Variants in GP6 observed in about 807,000 individuals in gnomAD.
GP6 encodes the protein glycoprotein VI platelet.
A neutral mutation model predicts 37.3 loss-of-function variants in GP6; 45 were observed. That is an observed-to-expected ratio of 1.21 (90% confidence interval 0.95 to 1.55). The LOEUF (loss-of-function observed/expected upper bound fraction) is 1.55, where lower values mean the gene tolerates loss of function less well. Among genes scored for constraint, GP6 ranks in the 40% most tolerant of loss-of-function variants. The probability of loss-of-function intolerance (pLI) is 0.00; values close to 1 mark genes in which losing one functional copy is unlikely to be tolerated. For synonymous variants in GP6, 340 were observed against 316.4 expected (o/e 1.07, Z -0.79); for missense variants, 813 against 760.2 (o/e 1.07, Z -0.82).
rs1568586767 is a variant in GP6, at chr19:55,014,650, C to G, written c.1295G>C (p.Trp432Ser). The G allele has an allele frequency of 6.2e-7, 1 of 1,614,064 alleles. No homozygotes were observed. The highest frequency in any genetic ancestry group is 1.1e-5 in the South Asian group (1 of 91,078). ...CCAGTATGTGGTCCAGCCAGGGTACCATGTCATCCACAGTGTGCAGGGAGG... is the reference window on the plus strand; with the variant it reads ...CCAGTATGTGGTCCAGCCAGGGTACGATGTCATCCACAGTGTGCAGGGAGG... Residue 432 changes from tryptophan to serine, a missense_variant, in exon 8 of 8, where the codon TGG (tryptophan) becomes TCG (serine). Trp to Ser is a radical substitution (Grantham distance 177, BLOSUM62 -3). Coordinates refer to ENST00000310373, the MANE Select transcript of GP6 (RefSeq NM_001083899.2).
At chr19:55,029,239 GTTTCA>G (rs2074425989) in intron 3 of GP6, among the ~76,000 whole-genome samples, 2 of 128,398 alleles carry the variant, frequency 1.6e-5, no homozygotes, top group East Asian at 4.2e-4. Context: ...TTTTTTTGTT[GTTTCA>G]TTTGTTTTGT....
At position 55,014,825 on chromosome 19, in the gene GP6, G is replaced by A. The variant is rs767299494; in HGVS notation, c.1120C>T (p.Gln374Ter). 1.5e-5 allele frequency: 25 copies of A among 1,613,858 alleles called. No homozygotes were observed. Among genetic ancestry groups the A allele is most frequent in the Admixed American group, 8.3e-5 (5 of 59,986 alleles). Reference sequence around the variant, plus strand: ...CCTCGTTTCCACAGCTGTAGCCTCTGCCCTCCTGCTTCCACGCTCCACACA... The same window carrying A: ...CCTCGTTTCCACAGCTGTAGCCTCTACCCTCCTGCTTCCACGCTCCACACA... Residue 374 changes from glutamine (Q) to a stop codon, truncating the protein, a stop_gained, in exon 8 of 8, where the codon CAG becomes TAG. Coordinates refer to ENST00000310373, the MANE Select transcript of GP6 (RefSeq NM_001083899.2). LOFTEE classifies it low-confidence loss of function (END_TRUNC).
rs763747397 is a variant in GP6, at chr19:55,014,656, A to T, written c.1289T>A (p.Met430Lys). 9.4e-5 allele frequency: 151 copies of T among 1,613,990 alleles called. 1 individual carries two copies. The highest frequency in any genetic ancestry group is 1.2e-4 in the Non-Finnish European group (146 of 1,179,952). The stretch of plus-strand genomic sequence containing the variant: ...TGTGGTCCAGCCAGGGTACCATGTC[A>T]TCCACAGTGTGCAGGGAGGAGGATG... Residue 430 changes from methionine (M) to lysine (K), a missense_variant, in exon 8 of 8, where the codon ATG (methionine) becomes AAG (lysine). Met to Lys is a moderately conservative substitution (Grantham distance 95, BLOSUM62 -1). Transcript: ENST00000310373.
chr19:55,024,363 T>TGCAC (rs1568613756), intron 5 of GP6, among the ~76,000 whole-genome samples: 2 of 143,602 alleles, frequency 1.4e-5, no homozygotes, highest in African/African-American at 2.7e-5. Flanking sequence ...CACACACACA[T>TGCAC]ATGCACGCAC....
intron 5 of GP6, among the ~76,000 whole-genome samples, chr19:55,023,459 T>C (rs780962915): frequency 3.3e-5 from 5 of 152,256 alleles, no homozygotes; most frequent in Admixed American, 1.3e-4. Context: ...TTCCTTGCAA[T>C]AGTAAGTGAA....
chr19:55,032,263 G>A lies in GP6; in HGVS notation c.201C>T (p.Tyr67=). 1 of 1,614,058 alleles carries A rather than the reference G, an allele frequency of 6.2e-7. No individual in the cohort carries two copies. The highest frequency in any genetic ancestry group is 2.2e-5 in the East Asian group (1 of 44,890). Residue 67 remains tyrosine, a synonymous_variant, in exon 3 of 8, where the codon TAC becomes TAT. Transcript: ENST00000310373. Reference sequence around the variant, plus strand: ...GGATGAAGAGGACTGCCTGATCCTGGTACCTGCTGGAACTCAGCTTCTCCA... The same window carrying A: ...GGATGAAGAGGACTGCCTGATCCTGATACCTGCTGGAACTCAGCTTCTCCA...
intron 1 of GP6, among the ~76,000 whole-genome samples, chr19:55,037,681 G>A (rs1293534299): frequency 5.5e-5 from 6 of 108,162 alleles, no homozygotes; most frequent in Admixed American, 4.4e-4. Flanking sequence ...TGCCCAGGCT[G>A]GAGTGCAATG....
At chr19:55,022,557 G>A (rs1602564952) in intron 5 of GP6, among the ~76,000 whole-genome samples, 1 of 152,308 alleles carries the variant, frequency 6.6e-6, no homozygotes, top group East Asian at 1.9e-4. Context: ...TAGGAAGAGA[G>A]GAAATCAAAC....
At chr19:55,026,147 C>T (rs2074294576) in intron 4 of GP6, among the ~76,000 whole-genome samples, 1 of 152,208 alleles carries the variant, frequency 6.6e-6, no homozygotes, top group African/African-American at 2.4e-5. Context: ...CTACCCCTCA[C>T]TGTGACCCTG....
chr19:55,032,967 G>C (rs954035529), intron 1 of GP6: 5 of 260,438 alleles, frequency 1.9e-5, no homozygotes, highest in Non-Finnish European at 3.7e-5. Context: ...CGGTGGACTC[G>C]TTCGTGTTGT....
At chr19:55,033,693 A>G (rs1273017310) in intron 1 of GP6, among the ~76,000 whole-genome samples, 1 of 152,188 alleles carries the variant, frequency 6.6e-6, no homozygotes, top group Non-Finnish European at 1.5e-5. Flanking sequence ...AATTGTATAG[A>G]CAAGTATTGT....
chr19:55,032,766 A>G, intron 1 of GP6: 1 of 632,518 alleles, frequency 1.6e-6, no homozygotes, highest in Non-Finnish European at 2.9e-6. Context: ...TCTATAGGAG[A>G]TGGAGAAGAA....
Position 55,027,749 on chromosome 19 carries a change from T to C in GP6, c.439A>G (p.Lys147Glu). 6.2e-7 allele frequency: 1 copy of C among 1,613,970 alleles called. No individual in the cohort carries two copies. ...TTGTAGGGCGCAGGGTCCCCTTCCT[T>C]GTACAGAGCAAATTGGTCAAAGCCA... Residue 147 changes from lysine to glutamate, a missense_variant, in exon 4 of 8, where the codon AAG (lysine) becomes GAG (glutamate). Physicochemically the swap from Lys to Glu is moderately conservative, Grantham distance 56. Coordinates refer to ENST00000310373, the MANE Select transcript of GP6 (RefSeq NM_001083899.2).
chr19:55,027,790 T>A lies in GP6; in HGVS notation c.398A>T (p.Gln133Leu). The change falls in exon 4 of 8, where the codon CAG becomes CTG. Residue 133 changes from glutamine (Q) to leucine (L), a missense_variant. Gln to Leu is a moderately radical substitution (Grantham distance 113). Coordinates refer to ENST00000310373, the MANE Select transcript of GP6 (RefSeq NM_001083899.2). ...GTCAAAGCCATACCGAGTCTGACAC[T>A]GTAGGGTTACGTCCCCTCCTGACGA... 1 of 1,614,056 alleles carries A rather than the reference T, an allele frequency of 6.2e-7. No homozygotes were observed. Among genetic ancestry groups the A allele is most frequent in the Non-Finnish European group, 8.5e-7 (1 of 1,179,880 alleles).
chr19:55,014,641 C>G lies in GP6; in HGVS notation c.1304G>C (p.Gly435Ala), dbSNP rs752723824. 2.5e-6 allele frequency: 4 copies of G among 1,613,974 alleles called. No individual in the cohort carries two copies. The African/African-American group carries it at 5.3e-5, about 22-fold the overall frequency. ...AGAAAGAGGCCAGTATGTGGTCCAG[C>G]CAGGGTACCATGTCATCCACAGTGT... Residue 435 changes from glycine to alanine, a missense_variant, in exon 8 of 8, where the codon GGC (glycine) becomes GCC (alanine). Gly to Ala is a moderately conservative substitution (Grantham distance 60). Transcript: ENST00000310373.
chr19:55,032,864 T>A lies in GP6; in HGVS notation c.35-326A>T, dbSNP rs932541911. 332 of 457,184 alleles carry A rather than the reference T, an allele frequency of 7.3e-4. 4 individuals carry two copies. The African/African-American group carries it at 7.4e-3, about 10-fold the overall frequency. 28.3% of individuals were successfully genotyped at this position (457,184 alleles called of 1,614,324 possible). On this transcript the variant is annotated intron_variant, in intron 1 of 7. Coordinates refer to ENST00000310373, the MANE Select transcript of GP6 (RefSeq NM_001083899.2). ...GTGGACTTGTTCGTGTTAGACACGGTGGGCTCGTTCGTGTTAGACACGGTG... is the reference window on the plus strand; with the variant it reads ...GTGGACTTGTTCGTGTTAGACACGGAGGGCTCGTTCGTGTTAGACACGGTG...
intron 1 of GP6, among the ~76,000 whole-genome samples, chr19:55,037,814 G>A (rs1188610320): frequency 1.3e-5 from 2 of 151,278 alleles, no homozygotes; most frequent in Non-Finnish European, 2.9e-5. Flanking sequence ...GTAGAGATGG[G>A]GTTTCACCAT....
At chr19:55,018,601 G>T in intron 6 of GP6, 51 bp downstream of exon 6, 1 of 1,002,044 alleles carries the variant, frequency 1.0e-6, no homozygotes, top group Non-Finnish European at 1.6e-6. Context: ...GGAAGAGAGA[G>T]CTCCGTCCTC....
chr19:55,034,145 T>C (rs62122025), intron 1 of GP6, among the ~76,000 whole-genome samples: 4 of 115,454 alleles, frequency 3.5e-5, no homozygotes, highest in African/African-American at 7.2e-5. Flanking sequence ...TGTATATATG[T>C]ATGCATGTGT....
Sources: gnomAD v4.1 joint callset for allele counts (sites outside exome capture counted in the v4.1 genomes callset) on GRCh38, gnomAD v4.1.1 for gene constraint, MANE v1.5 for transcripts, NCBI Gene and HGNC (gene_info 2026-07-23, HGNC 2026-07-21) for gene names.